The following TTC17 variants were observed in gnomAD, a reference collection of about 807,000 sequenced individuals.
The protein encoded by TTC17 is tetratricopeptide repeat domain 17, also known as tetratricopeptide repeat protein 17.
In TTC17, 58 loss-of-function variants were observed where a neutral mutation model predicts 143.8. The observed-to-expected ratio is 0.40, with a 90% CI of 0.33 to 0.50. The LOEUF is 0.50. TTC17 is among the 20% of genes least tolerant of loss of function. TTC17 has a pLI of 0.49. For synonymous variants in TTC17, 501 were observed against 497.8 expected, an observed-to-expected ratio of 1.01 and a Z score of -0.09; for missense variants, 1,273 against 1,392.5, an observed-to-expected ratio of 0.91 and a Z score of 1.37.
intron 21 of TTC17, chr11:43,468,471 A>G (rs1948024779): frequency 6.6e-6 from 1 of 152,196 alleles, no homozygotes; most frequent in Admixed American, 6.5e-5. Flanking sequence ...CATACCTCAC[A>G]TCATCCAGAA....
chr11:43,419,610 T>C (rs1008200163), intron 16 of TTC17, among the ~76,000 whole-genome samples: 2 of 152,228 alleles, frequency 1.3e-5, no homozygotes, highest in African/African-American at 4.8e-5. Flanking sequence ...TATCACATCC[T>C]TTTACATTCT....
intron 22 of TTC17, chr11:43,490,668 A>C (rs16937516): frequency 0.038 from 6,596 of 172,110 alleles, 145 homozygotes; most frequent in Non-Finnish European, 0.049. Flanking sequence ...GCACTGGCCT[A>C]AGTGGGCTGA....
At position 43,358,993 on chromosome 11, in the gene TTC17, G is replaced by T. The variant is rs370769243; in HGVS notation, c.39G>T (p.Leu13=). Residue 13 remains leucine (L), a synonymous_variant, in exon 1 of 24, where the codon CTG becomes CTT. Coordinates refer to ENST00000039989, the MANE Select transcript of TTC17 (RefSeq NM_018259.6). ...AAVGVRGRYE[L]PPCSGPGWLL... is the part of the protein sequence containing the mutation. ...TAGGGGTTCGTGGCCGGTACGAGCTGCCGCCTTGCTCCGGCCCAGGCTGGC... is the reference window on the plus strand; with the variant it reads ...TAGGGGTTCGTGGCCGGTACGAGCTTCCGCCTTGCTCCGGCCCAGGCTGGC... The T allele has an allele frequency of 4.5e-5, 71 of 1,582,484 alleles. No homozygotes were observed. The highest frequency in any genetic ancestry group is 5.8e-5 in the Non-Finnish European group (67 of 1,164,864).
chr11:43,463,608 C>G (rs1054599253), intron 21 of TTC17, among the ~76,000 whole-genome samples: 11 of 151,974 alleles, frequency 7.2e-5, no homozygotes, highest in African/African-American at 2.2e-4. Context: ...TGTGAAGTCT[C>G]AGCATCATAT....
chr11:43,430,252 A>G (rs1947122666), intron 16 of TTC17, among the ~76,000 whole-genome samples: 1 of 152,116 alleles, frequency 6.6e-6, no homozygotes, highest in East Asian at 1.9e-4. Flanking sequence ...ACATGCTGAA[A>G]CCCTGTCTCT....
intron 5 of TTC17, 84 bp downstream of exon 5, chr11:43,392,036 C>T: frequency 2.1e-6 from 3 of 1,456,008 alleles, no homozygotes; most frequent in Non-Finnish European, 1.8e-6. Context: ...TTGGAAAATA[C>T]CTGACTAATT....
At chr11:43,363,713 G>A (rs934066509) in intron 1 of TTC17, among the ~76,000 whole-genome samples, 2 of 152,182 alleles carry the variant, frequency 1.3e-5, no homozygotes, top group East Asian at 1.9e-4. Context: ...ACTCAAAGTC[G>A]TGTAACTAAT....
chr11:43,444,377 T>C (rs916920867), intron 18 of TTC17, 168 bp downstream of exon 18: 12 of 559,278 alleles, frequency 2.1e-5, no homozygotes, highest in Middle Eastern at 7.5e-4. Context: ...ATGTTCAAAC[T>C]CTAAAACATT....
intron 15 of TTC17, among the ~76,000 whole-genome samples, chr11:43,413,130 C>T (rs997968299): frequency 6.6e-6 from 1 of 151,954 alleles, no homozygotes; most frequent in East Asian, 1.9e-4. Context: ...TACAAAGATA[C>T]TCAAACATAG....
At chr11:43,364,287 C>T (rs1856242437) in intron 1 of TTC17, among the ~76,000 whole-genome samples, 1 of 151,978 alleles carries the variant, frequency 6.6e-6, no homozygotes, top group African/African-American at 2.4e-5. Flanking sequence ...AAACTCCAGG[C>T]CTCAAGCGAT....
At chr11:43,382,598 T>C (rs532520822) in intron 2 of TTC17, among the ~76,000 whole-genome samples, 1 of 152,350 alleles carries the variant, frequency 6.6e-6, no homozygotes, top group South Asian at 2.1e-4. Flanking sequence ...CAAAAAATAA[T>C]CAAACCACAA....
intron 17 of TTC17, 141 bp from the exon 18 acceptor site, chr11:43,443,915 T>C (rs1947480019): frequency 9.8e-7 from 1 of 1,017,628 alleles, no homozygotes; most frequent in East Asian, 2.5e-5. Context: ...AACCATTTTT[T>C]ATTTAGGTCT....
chr11:43,415,350 G>A (rs191729927), intron 16 of TTC17, among the ~76,000 whole-genome samples: 47 of 152,240 alleles, frequency 3.1e-4, no homozygotes, highest in African/African-American at 1.0e-3. Flanking sequence ...ATCTAAAGCT[G>A]TTGCACTTTC....
intron 1 of TTC17, among the ~76,000 whole-genome samples, chr11:43,378,195 G>C (rs1034850021): frequency 6.6e-6 from 1 of 152,076 alleles, no homozygotes; most frequent in Non-Finnish European, 1.5e-5. Context: ...AAGCCACCGC[G>C]CCCAGCCTTG....
At position 43,397,535 on chromosome 11, in the gene TTC17, T is replaced by TCC. The variant is rs769107768; in HGVS notation, c.918+44_918+45insCC. ...TTCATGAGTCATGCTAGTTGCCACT[T>TCC]TCTTTTTTTTTTTTTTTTCTCCCCC... On this transcript the variant is annotated intron_variant, in intron 7 of 23. Coordinates refer to ENST00000039989, the MANE Select transcript of TTC17 (RefSeq NM_018259.6). The TCC allele has an allele frequency of 1.5e-5, 22 of 1,455,530 alleles. No homozygotes were observed. The African/African-American group carries it at 2.6e-4, about 17-fold the overall frequency. 90.2% of individuals were successfully genotyped at this position (1,455,530 alleles called of 1,614,324 possible).
intron 16 of TTC17, among the ~76,000 whole-genome samples, chr11:43,421,310 A>T (rs548669862): frequency 6.6e-6 from 1 of 152,216 alleles, no homozygotes; most frequent in Non-Finnish European, 1.5e-5. Flanking sequence ...AATAGCAAGG[A>T]GGGCTTTCCA....
chr11:43,395,074 G>A (rs1363236465), intron 5 of TTC17, among the ~76,000 whole-genome samples: 1 of 150,108 alleles, frequency 6.7e-6, no homozygotes, highest in Non-Finnish European at 1.5e-5. Flanking sequence ...AACTTATCAT[G>A]ATCTCTTCAG....
At chr11:43,476,049 CT>C (rs1215509818) in intron 21 of TTC17, among the ~76,000 whole-genome samples, 21 of 152,258 alleles carry the variant, frequency 1.4e-4, no homozygotes, top group African/African-American at 5.1e-4. Context: ...GCTGAAAAAA[CT>C]AGAGGTAATG....
intron 16 of TTC17, among the ~76,000 whole-genome samples, chr11:43,433,866 A>G (rs931171618): frequency 6.6e-6 from 1 of 152,150 alleles, no homozygotes; most frequent in Non-Finnish European, 1.5e-5. Flanking sequence ...TGTCATAATT[A>G]TTTCCTCTCT....
Sources: allele counts gnomAD v4.1 joint callset (sites outside exome capture counted in the v4.1 genomes callset), GRCh38; gene constraint gnomAD v4.1.1; transcripts MANE v1.5; gene names NCBI Gene and HGNC (gene_info 2026-07-23, HGNC 2026-07-21).